The following ACBD3 variants were observed in gnomAD, a reference collection of about 807,000 sequenced individuals.
ACBD3 encodes the protein acyl-CoA binding domain containing 3.
In ACBD3, 30 loss-of-function variants were observed where a neutral mutation model predicts 66.9. The ratio of observed to expected loss-of-function variants is 0.45; its 90% CI spans 0.34 to 0.61. The LOEUF (loss-of-function observed/expected upper bound fraction) is 0.61, where lower values mean the gene tolerates loss of function less well. ACBD3 is among the 20% of genes least tolerant of loss of function. The pLI is 0.02. For missense variants in ACBD3, 544 were observed against 664.5 expected (o/e 0.82, Z 1.99); for synonymous variants, 278 against 259.8 (o/e 1.07, Z -0.68).
intron 1 of ACBD3, among the ~76,000 whole-genome samples, chr1:226,180,269 TA>T (rs2102790958): frequency 6.6e-6 from 1 of 152,072 alleles, no homozygotes; most frequent in African/African-American, 2.4e-5. Context: ...AACTGCTTAG[TA>T]AAAGTTTTAA....
Position 226,186,539 on chromosome 1 carries a change from C to A in ACBD3, c.137G>T (p.Gly46Val). The A allele has an allele frequency of 7.3e-7, 1 of 1,376,580 alleles. No homozygotes were observed. The highest frequency in any genetic ancestry group is 9.3e-7 in the Non-Finnish European group (1 of 1,070,794). 85.3% of individuals were successfully genotyped at this position (1,376,580 alleles called of 1,614,324 possible). The stretch of plus-strand genomic sequence containing the variant: ...TGAGGCGCCCGGGCCGCGACCGGAT[C>A]CAGGTGGCGAGGGCGGTGGCAGCGG... ...PPPLPPPSPP[G>V]SGRGPGASGE... is the part of the protein sequence containing the mutation. The change falls in exon 1 of 8, where the codon GGA (glycine) becomes GTA (valine). Residue 46 changes from glycine (G) to valine (V), a missense_variant. This residue lies in a region of ACBD3 where 137 missense variants were observed against 145.9 expected (regional missense o/e 0.94). Transcript: ENST00000366812.
At position 226,159,295 on chromosome 1, in the gene ACBD3, T is replaced by C. The variant is rs755563399; in HGVS notation, c.792A>G (p.Gln264=). 30 of 1,614,112 alleles carry C rather than the reference T, an allele frequency of 1.9e-5. No homozygotes were observed. Among genetic ancestry groups the C allele is most frequent in the Non-Finnish European group, 2.4e-5 (28 of 1,180,036 alleles). Residue 264 remains glutamine, a synonymous_variant, in exon 5 of 8, where the codon CAA becomes CAG. Coordinates refer to ENST00000366812, the MANE Select transcript of ACBD3 (RefSeq NM_022735.4). The part of the protein sequence containing the change: ...TAVQFQQYAA[Q]QYPGNYEQQQ... ...GCTGTTCGTAGTTCCCTGGATACTG[T>C]TGGGCTGCATACTGCTGGAACTGCA...
At position 226,161,516 on chromosome 1, in the gene ACBD3, A is replaced by G. The variant is rs749173718; in HGVS notation, c.728+15T>C. The G allele has an allele frequency of 5.6e-6, 9 of 1,609,330 alleles. No individual in the cohort carries two copies. Among genetic ancestry groups the G allele is most frequent in the Middle Eastern group, 1.6e-4 (1 of 6,074 alleles). ...CATTTCTCATTTTAAAACATAAGCC[A>G]CATAATAAACTTACTTTTGCTGCTC... On this transcript the variant is annotated intron_variant, in intron 4 of 7. Coordinates refer to ENST00000366812, the MANE Select transcript of ACBD3 (RefSeq NM_022735.4).
At chr1:226,165,315 C>T (rs191776156) in intron 2 of ACBD3, among the ~76,000 whole-genome samples, 1 of 152,142 alleles carries the variant, frequency 6.6e-6, no homozygotes, top group African/African-American at 2.4e-5. Flanking sequence ...GGATTACAGG[C>T]ATGTGCCACT....
chr1:226,149,176 A>C (rs1300767362), intron 7 of ACBD3, among the ~76,000 whole-genome samples: 3 of 152,162 alleles, frequency 2.0e-5, no homozygotes, highest in African/African-American at 7.2e-5. Flanking sequence ...CAGGAGAAAT[A>C]CATTACCTCA....
chr1:226,166,006 A>C lies in ACBD3; in HGVS notation c.287-6T>G. On this transcript the variant is annotated splice_region_variant and splice_polypyrimidine_tract_variant and intron_variant, in intron 1 of 7. Transcript: ENST00000366812. ...AAATGCTTTGCCATCTTTTTCTATA[A>C]GAAAAAGAAACACAAAGAAAACAAT... 1.3e-6 allele frequency: 2 copies of C among 1,599,854 alleles called. No homozygotes were observed. Among genetic ancestry groups the C allele is most frequent in the Non-Finnish European group, 1.7e-6 (2 of 1,176,520 alleles).
chr1:226,170,465 T>A (rs1211066573), intron 1 of ACBD3, among the ~76,000 whole-genome samples: 6 of 151,676 alleles, frequency 4.0e-5, no homozygotes, highest in Non-Finnish European at 8.8e-5. Context: ...TGAGCCACCG[T>A]GCTCGGCCTT....
At chr1:226,156,587 C>T (rs1482249160) in intron 5 of ACBD3, among the ~76,000 whole-genome samples, 2 of 152,132 alleles carry the variant, frequency 1.3e-5, no homozygotes, top group East Asian at 3.8e-4. Context: ...TATATTTTGG[C>T]ATATCTCTAC....
At chr1:226,169,373 G>A (rs534417501) in intron 1 of ACBD3, among the ~76,000 whole-genome samples, 8 of 151,412 alleles carry the variant, frequency 5.3e-5, no homozygotes, top group African/African-American at 1.5e-4. Flanking sequence ...TCAGCCTCCC[G>A]AGTAGCTGGG....
chr1:226,170,784 G>A (rs894120559), intron 1 of ACBD3, among the ~76,000 whole-genome samples: 3 of 151,840 alleles, frequency 2.0e-5, no homozygotes, highest in African/African-American at 7.3e-5. Context: ...CAGATGATAC[G>A]TTTGCTTCTT....
At chr1:226,173,752 CTTTT>C (rs1655923763) in intron 1 of ACBD3, among the ~76,000 whole-genome samples, 6 of 112,976 alleles carry the variant, frequency 5.3e-5, no homozygotes, top group Non-Finnish European at 5.4e-5. Flanking sequence ...CTTTTTTTTT[CTTTT>C]CTTTTTTTTT....
chr1:226,165,806 C>T, intron 2 of ACBD3, 53 bp downstream of exon 2: 16 of 1,574,556 alleles, frequency 1.0e-5, no homozygotes, highest in Non-Finnish European at 1.2e-5. Flanking sequence ...ACACATTGTA[C>T]CCTTTGCCAA....
chr1:226,149,529 CTTTTT>C (rs1170130229), intron 7 of ACBD3, among the ~76,000 whole-genome samples: 161 of 29,584 alleles, frequency 5.4e-3, no homozygotes, highest in East Asian at 0.013. Flanking sequence ...GCCCAGCCAT[CTTTTT>C]TTTTTTTTTT....
intron 4 of ACBD3, among the ~76,000 whole-genome samples, chr1:226,160,265 T>C (rs1659747348): frequency 1.3e-5 from 2 of 152,038 alleles, no homozygotes; most frequent in Non-Finnish European, 2.9e-5. Context: ...CTAATCTTTA[T>C]ATTTTTAGTA....
chr1:226,174,517 C>T (rs1471988628), intron 1 of ACBD3, among the ~76,000 whole-genome samples: 1 of 152,206 alleles, frequency 6.6e-6, no homozygotes, highest in Admixed American at 6.5e-5. Context: ...GTAATCCCAG[C>T]ACTTTGGGAG....
chr1:226,169,307 G>A (rs951894313), intron 1 of ACBD3, among the ~76,000 whole-genome samples: 24 of 151,958 alleles, frequency 1.6e-4, no homozygotes, highest in Non-Finnish European at 3.2e-4. Flanking sequence ...GAGTGCCGTG[G>A]TGCGATCTCG....
At chr1:226,148,737 G>GAA (rs1659505405) in intron 7 of ACBD3, among the ~76,000 whole-genome samples, 1 of 152,110 alleles carries the variant, frequency 6.6e-6, no homozygotes, top group Non-Finnish European at 1.5e-5. Context: ...ACCTAAGGAA[G>GAA]AAAAACCAAA....
intron 1 of ACBD3, among the ~76,000 whole-genome samples, chr1:226,182,636 A>G (rs1419602933): frequency 1.3e-5 from 2 of 152,120 alleles, no homozygotes; most frequent in African/African-American, 4.8e-5. Context: ...TGACAATGGC[A>G]TGCAAGTCCT....
intron 3 of ACBD3, among the ~76,000 whole-genome samples, chr1:226,162,067 T>C (rs1659783966): frequency 6.6e-6 from 1 of 152,202 alleles, no homozygotes; most frequent in South Asian, 2.1e-4. Context: ...AGATCTGCAT[T>C]ACCCATTAAA....
Sources: gnomAD v4.1 joint callset for allele counts (sites outside exome capture counted in the v4.1 genomes callset) on GRCh38, gnomAD v4.1.1 for gene constraint, gnomAD v4.1.1 regional missense constraint, MANE v1.5 for transcripts, NCBI Gene and HGNC (gene_info 2026-07-23, HGNC 2026-07-21) for gene names.